PHACTR2: variants seen among roughly 807,000 people sequenced by gnomAD.
PHACTR2 encodes the protein chromosome 6 open reading frame 56.
Under a neutral mutation model 76.0 loss-of-function variants are expected in PHACTR2, and 30 were observed. That is an observed-to-expected ratio of 0.39 (90% CI 0.30 to 0.54). The LOEUF is 0.54. Ranked by LOEUF, PHACTR2 falls within the 20% of genes least tolerant of loss-of-function variation. The pLI, the probability that PHACTR2 is intolerant of heterozygous loss-of-function variation, is 0.61. For synonymous variants in PHACTR2, 292 were observed against 292.5 expected, an observed-to-expected ratio of 1.00 and a Z score of 0.02; for missense variants, 696 against 781.1, an observed-to-expected ratio of 0.89 and a Z score of 1.30.
chr6:143,818,730 A>G lies in PHACTR2; in HGVS notation c.1923-4944A>G, dbSNP rs1776354218. ...AGAAGCCCAATCAGATCTCGTGAGT[A>G]CTCACTGTCACGAGAACAGCATGGG... On this transcript the variant is annotated intron_variant, in intron 12 of 12. Coordinates refer to ENST00000440869, the MANE Select transcript of PHACTR2 (RefSeq NM_001100164.2). The surrounding 1 kb of genome is among the most constrained non-coding windows in gnomAD (Gnocchi z 4.9). Among the ~76,000 whole-genome samples, 1 of 152,096 alleles carries G rather than the reference A, an allele frequency of 6.6e-6. No homozygotes were observed. The highest frequency in any genetic ancestry group is 1.5e-5 in the Non-Finnish European group (1 of 68,016).
At chr6:143,555,991 A>AT (rs1038971558) in intron 1 of PHACTR2, among the ~76,000 whole-genome samples, 3 of 151,734 alleles carry the variant, frequency 2.0e-5, no homozygotes, top group Admixed American at 6.6e-5. Flanking sequence ...TTCACAATTA[A>AT]TTTTTTTAAA....
upstream of PHACTR2, among the ~76,000 whole-genome samples, chr6:143,607,762 A>C (rs540966354): frequency 2.6e-5 from 4 of 152,334 alleles, no homozygotes; most frequent in African/African-American, 9.6e-5. Flanking sequence ...CTCCCCCAAC[A>C]ACAACCAAAA....
intron 2 of PHACTR2, among the ~76,000 whole-genome samples, chr6:143,732,693 A>G (rs908403367): frequency 6.6e-6 from 1 of 152,152 alleles, no homozygotes; most frequent in African/African-American, 2.4e-5. Context: ...TCAATGTTTA[A>G]CATTTTGAGG....
At chr6:143,593,756 C>T (rs909910078) in intron 1 of PHACTR2, among the ~76,000 whole-genome samples, 4 of 152,132 alleles carry the variant, frequency 2.6e-5, no homozygotes, top group Admixed American at 6.5e-5. Context: ...TGAATGCCCA[C>T]GAGGAGCTTA....
chr6:143,712,258 A>C, intron 2 of PHACTR2, 75 bp downstream of exon 2: 1 of 1,028,194 alleles, frequency 9.7e-7, no homozygotes, highest in Non-Finnish European at 1.3e-6. Context: ...TATGTTTTAC[A>C]GTGTGTTTTT....
rs1775123674 is a variant in PHACTR2, at chr6:143,553,600, G to A, written c.217+16393G>A. ...TTCTCAGACAGGCACTTTAAGGTGA[G>A]TTAAGGTCATTCTAGAGATGCAGGC... On this transcript the variant is annotated intron_variant, in intron 1 of 11. Coordinates refer to the PHACTR2 transcript ENST00000367584. This position sits in a 1 kb window ranked among gnomAD's most constrained non-coding sequence, Gnocchi z 4.2. Among the ~76,000 whole-genome samples the A allele has an allele frequency of 6.6e-6, 1 of 152,174 alleles. No homozygotes were observed.
rs1372880592 is a variant in PHACTR2 at position 143,696,973 on chromosome 6, A to C, written c.47-15043A>C. ...TTAAAGAATGATTCCTCGTCATTGA[A>C]CATGTTACATTGTAGAGTCAGATGT... On this transcript the variant is annotated intron_variant, in intron 1 of 12. Transcript: ENST00000440869. This position sits in a 1 kb window ranked among gnomAD's most constrained non-coding sequence, Gnocchi z 4.1. Among the ~76,000 whole-genome samples the C allele has an allele frequency of 6.6e-6, 1 of 152,190 alleles. No homozygotes were observed. Among genetic ancestry groups the C allele is most frequent in the African/African-American group, 2.4e-5 (1 of 41,450 alleles).
chr6:143,741,612 C>T (rs1381811118), intron 2 of PHACTR2, among the ~76,000 whole-genome samples: 1 of 152,140 alleles, frequency 6.6e-6, no homozygotes, highest in Non-Finnish European at 1.5e-5. Flanking sequence ...TGATTACTAT[C>T]AGATTTCTGG....
At chr6:143,563,300 C>T (rs1400633492) in intron 1 of PHACTR2, among the ~76,000 whole-genome samples, 1 of 152,020 alleles carries the variant, frequency 6.6e-6, no homozygotes, top group African/African-American at 2.4e-5. Flanking sequence ...CCCGGGGGCT[C>T]AAGCCTGTAC....
chr6:143,713,054 C>T (rs1435086529), intron 2 of PHACTR2, among the ~76,000 whole-genome samples: 1 of 152,188 alleles, frequency 6.6e-6, no homozygotes, highest in Non-Finnish European at 1.5e-5. Context: ...AAATTCCTCA[C>T]TGCACCACAG....
chr6:143,734,317 CT>C (rs11350230), intron 2 of PHACTR2, among the ~76,000 whole-genome samples: 10,247 of 152,140 alleles, frequency 0.067, 1,154 homozygotes, highest in African/African-American at 0.23. Flanking sequence ...ACCATGAAAT[CT>C]TTTTTTCTAA....
In PHACTR2 at chr6:143,770,065, T is replaced by A. The variant is rs9484811; in HGVS notation, c.1233-2193T>A. Among the ~76,000 whole-genome samples, 823 of 152,300 alleles carry A rather than the reference T, an allele frequency of 5.4e-3. 10 individuals carry two copies. The highest frequency in any genetic ancestry group is 0.018 in the African/African-American group (756 of 41,580). ...TTGTACACCAGTGCTCAAAGCAGTATTATTCACAATAGCCAAAAGGTGAAA... is the reference window on the plus strand; with the variant it reads ...TTGTACACCAGTGCTCAAAGCAGTAATATTCACAATAGCCAAAAGGTGAAA... On this transcript the variant is annotated intron_variant, in intron 6 of 12. Coordinates refer to ENST00000440869, the MANE Select transcript of PHACTR2 (RefSeq NM_001100164.2).
chr6:143,650,373 A>G (rs1776740063), intron 1 of PHACTR2, among the ~76,000 whole-genome samples: 1 of 152,276 alleles, frequency 6.6e-6, no homozygotes, highest in East Asian at 1.9e-4. Flanking sequence ...AAAGAGCCCA[A>G]ATAGCCGAGG....
At chr6:143,542,266 T>C (rs1229594243) in intron 1 of PHACTR2, among the ~76,000 whole-genome samples, 1 of 152,168 alleles carries the variant, frequency 6.6e-6, no homozygotes, top group Non-Finnish European at 1.5e-5. Context: ...ACAAAAGCCA[T>C]GGGCTTCTCA....
intron 2 of PHACTR2, among the ~76,000 whole-genome samples, chr6:143,725,392 G>C (rs1778541984): frequency 6.7e-6 from 1 of 150,100 alleles, no homozygotes; most frequent in South Asian, 2.1e-4. Context: ...AGTAGAGACG[G>C]GGTTTCACCA....
chr6:143,769,276 A>G (rs1056940389), intron 6 of PHACTR2, among the ~76,000 whole-genome samples: 1 of 152,210 alleles, frequency 6.6e-6, no homozygotes, highest in African/African-American at 2.4e-5. Flanking sequence ...TTTGGAGGCC[A>G]TATCCAAAAG....
Position 143,557,038 on chromosome 6 carries a change from C to T in PHACTR2, c.217+19831C>T, listed in dbSNP as rs569592171. ...TCAGTTAGAGAGGGCCACAGGAGCT[C>T]GCCTACCATCTCTCTCCAAAATATG... is the stretch of plus-strand genomic sequence containing the variant. On this transcript the variant is annotated intron_variant, in intron 1 of 11. Transcript: ENST00000367584. The surrounding 1 kb of genome is among the most constrained non-coding windows in gnomAD (Gnocchi z 5.5). Among the ~76,000 whole-genome samples, 1 of 152,256 alleles carries T rather than the reference C, an allele frequency of 6.6e-6. No homozygotes were observed. The highest frequency in any genetic ancestry group is 6.5e-5 in the Admixed American group (1 of 15,284).
intron 2 of PHACTR2, among the ~76,000 whole-genome samples, chr6:143,726,201 T>A (rs192880593): frequency 6.6e-6 from 1 of 152,368 alleles, no homozygotes; most frequent in East Asian, 1.9e-4. Flanking sequence ...GAGTTTTGCA[T>A]TCCTGCAAGT....
Position 143,767,481 on chromosome 6 carries a change from A to G in PHACTR2, c.1232+1683A>G, listed in dbSNP as rs1269769618. On this transcript the variant is annotated intron_variant, in intron 6 of 12. Transcript: ENST00000440869. The surrounding 1 kb of genome is among the most constrained non-coding windows in gnomAD (Gnocchi z 4.4). ...TTTGTTTGACATTTTAATAAAAGAT[A>G]TGGGAAAAGAAGATTTATTGAAATG... is the stretch of plus-strand genomic sequence containing the variant. Among the ~76,000 whole-genome samples, 6 of 152,232 alleles carry G rather than the reference A, an allele frequency of 3.9e-5. No individual in the cohort carries two copies. The highest frequency in any genetic ancestry group is 8.8e-5 in the Non-Finnish European group (6 of 68,030).
Sources: gnomAD v4.1 joint callset for allele counts (sites outside exome capture counted in the v4.1 genomes callset) on GRCh38, gnomAD v4.1.1 for gene constraint, Gnocchi (gnomAD v3.1) non-coding constraint, MANE v1.5 for transcripts, NCBI Gene and HGNC (gene_info 2026-07-23, HGNC 2026-07-21) for gene names.